Variants in SYNE3 observed in about 807,000 individuals in gnomAD.
SYNE3 encodes the protein nesprin-3.
SYNE3 carries 100 observed loss-of-function variants against 111.2 expected under a neutral mutation model. The observed-to-expected ratio is 0.90, with a 90% CI of 0.77 to 1.06. The LOEUF (loss-of-function observed/expected upper bound fraction) is 1.06, where lower values mean the gene tolerates loss of function less well. Among genes scored for constraint, SYNE3 ranks in the 50% least tolerant of loss-of-function variants. The pLI is 0.00. For synonymous variants in SYNE3, 547 were observed against 533.9 expected (o/e 1.02, Z -0.34); for missense variants, 1,160 against 1,240.3 (o/e 0.94, Z 0.97).
intron 4 of SYNE3, among the ~76,000 whole-genome samples, chr14:95,458,530 C>T (rs1005569074): frequency 1.3e-5 from 2 of 152,190 alleles, no homozygotes; most frequent in Admixed American, 6.5e-5. Context: ...GCTCTTCTCA[C>T]ACCTCCAGCG....
At position 95,416,663 on chromosome 14, in the gene SYNE3, G is replaced by A. The variant is rs1460389288; in HGVS notation, c.*1163C>T. 1.3e-5 allele frequency: 2 copies of A among 152,278 alleles called. No individual in the cohort carries two copies. Among genetic ancestry groups the A allele is most frequent in the Non-Finnish European group, 2.9e-5 (2 of 68,090 alleles). The allele number at this position is 152,278 out of a possible 1,614,324, so 9.4% of individuals were successfully genotyped here. On this transcript the variant is annotated 3_prime_UTR_variant, in exon 18 of 18. Transcript: ENST00000682763. ...GGCCTGGGCCCTAGTCCCATATGGG[G>A]ATGCACATGAGACCTTCTTGGCCCC...
intron 2 of SYNE3, among the ~76,000 whole-genome samples, chr14:95,469,481 G>T (rs1595229564): frequency 6.8e-6 from 1 of 147,814 alleles, no homozygotes; most frequent in East Asian, 2.0e-4. Context: ...AATTGCTCGA[G>T]CTTAGGAGTT....
intron 1 of SYNE3, among the ~76,000 whole-genome samples, chr14:95,478,036 C>A (rs1356015580): frequency 2.0e-5 from 3 of 152,168 alleles, no homozygotes; most frequent in African/African-American, 7.2e-5. Flanking sequence ...TTCTTGTTGG[C>A]AATGCCCGTG....
At chr14:95,461,752 A>T (rs1349901715) in intron 4 of SYNE3, among the ~76,000 whole-genome samples, 1 of 152,220 alleles carries the variant, frequency 6.6e-6, no homozygotes, top group East Asian at 1.9e-4. Context: ...ACGAGGACAG[A>T]ACCATCGCTG....
chr14:95,502,152 C>T (rs1034904655), intron 1 of SYNE3, among the ~76,000 whole-genome samples: 2 of 152,104 alleles, frequency 1.3e-5, no homozygotes, highest in African/African-American at 4.8e-5. Flanking sequence ...CTTGAAAGTC[C>T]CAAACCCCAG....
At chr14:95,489,414 C>T (rs1361556535) in intron 1 of SYNE3, among the ~76,000 whole-genome samples, 3 of 152,258 alleles carry the variant, frequency 2.0e-5, no homozygotes, top group African/African-American at 7.2e-5. Flanking sequence ...TCCAGTCCAA[C>T]TCCTCTGAAC....
intron 13 of SYNE3, 74 bp downstream of exon 13, chr14:95,439,538 C>G: frequency 1.3e-6 from 2 of 1,578,646 alleles, no homozygotes; most frequent in South Asian, 1.1e-5. Context: ...CTCTGCTCCA[C>G]GAGCACCTGA....
At position 95,464,068 on chromosome 14, in the gene SYNE3, C is replaced by T. The variant is rs59860336; in HGVS notation, c.627+1863G>A. Reference sequence around the variant, plus strand: ...CTTCCCAAGCGCCAGAGCCTTGTTCCTGGTGGATTTTCTAGTTCTGCTTAT... The same window carrying T: ...CTTCCCAAGCGCCAGAGCCTTGTTCTTGGTGGATTTTCTAGTTCTGCTTAT... On this transcript the variant is annotated intron_variant, in intron 4 of 17. Coordinates refer to ENST00000682763, the MANE Select transcript of SYNE3 (RefSeq NM_152592.6). Among the ~76,000 whole-genome samples the T allele has an allele frequency of 2.7e-3, 413 of 152,338 alleles. 2 individuals carry two copies. Among genetic ancestry groups the T allele is most frequent in the African/African-American group, 9.5e-3 (394 of 41,578 alleles).
In SYNE3 at chr14:95,436,505, AATAC is replaced by A. The variant is rs1481175161; in HGVS notation, c.2538+311_2538+314del. ...TGCCATGCTTCTGAACCATGGGTTA[AATAC>A]ATAGTTATTGTTATCAGCCACAAAC... is the stretch of plus-strand genomic sequence containing the variant. On this transcript the variant is annotated intron_variant, in intron 15 of 17. Coordinates refer to ENST00000682763, the MANE Select transcript of SYNE3 (RefSeq NM_152592.6). 2.2e-4 allele frequency among the ~76,000 whole-genome samples: 33 copies of A among 152,330 alleles called. 1 individual carries two copies. The highest frequency in any genetic ancestry group is 1.2e-3 in the Admixed American group (19 of 15,300).
At chr14:95,460,253 G>T (rs1326037960) in intron 4 of SYNE3, among the ~76,000 whole-genome samples, 2 of 151,868 alleles carry the variant, frequency 1.3e-5, no homozygotes, top group African/African-American at 4.8e-5. Flanking sequence ...TGCCTAGACT[G>T]GAGTACAATG....
chr14:95,418,887 C>A (rs1455389749), intron 17 of SYNE3, among the ~76,000 whole-genome samples: 1 of 152,092 alleles, frequency 6.6e-6, no homozygotes, highest in Non-Finnish European at 1.5e-5. Context: ...TAGGTGTGAG[C>A]CACCGCGCCT....
chr14:95,466,826 T>C (rs537998397), intron 3 of SYNE3, among the ~76,000 whole-genome samples: 6 of 152,358 alleles, frequency 3.9e-5, no homozygotes, highest in Non-Finnish European at 5.9e-5. Flanking sequence ...GTCCTTAGAC[T>C]GGCTTCCCAG....
chr14:95,420,021 ATGTATTCCCC>A (rs1486497805), intron 17 of SYNE3, among the ~76,000 whole-genome samples: 1 of 113,872 alleles, frequency 8.8e-6, no homozygotes, highest in Non-Finnish European at 1.9e-5. Flanking sequence ...GAGTCAACTC[ATGTATTCCCC>A]TGCTCCAAGT....
intron 17 of SYNE3, among the ~76,000 whole-genome samples, chr14:95,429,601 T>A (rs1006540316): frequency 6.6e-6 from 1 of 152,208 alleles, no homozygotes; most frequent in Admixed American, 6.5e-5. Context: ...TTCTTCACAG[T>A]GGGCTGAGAT....
chr14:95,433,442 C>T (rs1281924996), intron 15 of SYNE3, 33 bp from the exon 16 acceptor site: 11 of 1,610,504 alleles, frequency 6.8e-6, no homozygotes, highest in Non-Finnish European at 9.3e-6. Flanking sequence ...GGTGCGGCTT[C>T]CAAATGGCCC....
At chr14:95,418,093 G>A in intron 17 of SYNE3, 67 bp from the exon 18 acceptor site, 2 of 1,554,124 alleles carry the variant, frequency 1.3e-6, no homozygotes, top group Non-Finnish European at 1.8e-6. Context: ...AGGTTCAGGG[G>A]GCGAGGAGGA....
intron 1 of SYNE3, among the ~76,000 whole-genome samples, chr14:95,481,296 G>T (rs532559326): frequency 3.9e-5 from 6 of 152,340 alleles, no homozygotes; most frequent in Admixed American, 3.9e-4. Context: ...CAATAGAACT[G>T]CCCCTGGGAG....
rs937914267 is a variant in SYNE3, at chr14:95,470,140, T to C, written c.145-2173A>G. Among the ~76,000 whole-genome samples the C allele has an allele frequency of 6.6e-6, 1 of 152,136 alleles. No individual in the cohort carries two copies. Among genetic ancestry groups the C allele is most frequent in the South Asian group, 2.1e-4 (1 of 4,828 alleles). On this transcript the variant is annotated intron_variant, in intron 2 of 17. Transcript: ENST00000682763. The surrounding 1 kb of genome is among the most constrained non-coding windows in gnomAD (Gnocchi z 4.2). ...TACCCACACAGGGACCCCGAGTCCCTCTCAGCAGCGAGCAGTGATGGGGAA... is the reference window on the plus strand; with the variant it reads ...TACCCACACAGGGACCCCGAGTCCCCCTCAGCAGCGAGCAGTGATGGGGAA...
At chr14:95,472,310 C>T (rs1338284920) in intron 2 of SYNE3, among the ~76,000 whole-genome samples, 1 of 152,174 alleles carries the variant, frequency 6.6e-6, no homozygotes, top group Non-Finnish European at 1.5e-5. Context: ...GACCCAGATA[C>T]AGGACAAGGG....
Sources: allele counts gnomAD v4.1 joint callset (sites outside exome capture counted in the v4.1 genomes callset), GRCh38; gene constraint gnomAD v4.1.1; non-coding constraint Gnocchi (gnomAD v3.1); transcripts MANE v1.5; gene names NCBI Gene and HGNC (gene_info 2026-07-23, HGNC 2026-07-21).